Variants in SIDT2 observed in about 807,000 individuals in gnomAD.
SIDT2 encodes the protein SID1 transmembrane family member 2, also known as SID1 transmembrane family, member 2.
A neutral mutation model predicts 114.4 loss-of-function variants in SIDT2; 68 were observed. The ratio of observed to expected loss-of-function variants is 0.59; its 90% CI spans 0.49 to 0.73. The LOEUF is 0.73. SIDT2 is among the 30% of genes least tolerant of loss of function. The pLI is 0.00. For synonymous variants in SIDT2, 470 were observed against 438.4 expected, an observed-to-expected ratio of 1.07 and a Z score of -0.90; for missense variants, 918 against 1,097.1, an observed-to-expected ratio of 0.84 and a Z score of 2.31.
chr11:117,193,905 C>G lies in SIDT2; in HGVS notation c.2264C>G (p.Thr755Ser). Residue 755 changes from threonine (T) to serine (S), a missense_variant, in exon 24 of 26, where the codon ACC becomes AGC. Thr to Ser is a moderately conservative substitution (Grantham distance 58). This residue lies in a region of SIDT2 where 275 missense variants were observed against 397.6 expected (regional missense o/e 0.69). Coordinates refer to ENST00000324225, the MANE Select transcript of SIDT2 (RefSeq NM_001040455.2). ...KLIPLLCIVC[T>S]SVVWGFALFF... is the part of the protein sequence containing the mutation. ...ATCCCCCTGCTCTGCATCGTTTGCA[C>G]CTCCGTGGTCTGGGGCTTCGCGCTC... The G allele has an allele frequency of 6.2e-7, 1 of 1,614,146 alleles. No individual in the cohort carries two copies.
At position 117,181,801 on chromosome 11, in the gene SIDT2, C is replaced by T; in HGVS notation, c.306-6C>T. ...TCACATCCTATCTCCCTGCTTCGGGCCATAGGTTTCAGCGCAAGTACCTCT... is the reference window on the plus strand; with the variant it reads ...TCACATCCTATCTCCCTGCTTCGGGTCATAGGTTTCAGCGCAAGTACCTCT... On this transcript the variant is annotated splice_region_variant and splice_polypyrimidine_tract_variant and intron_variant, in intron 2 of 25. Coordinates refer to ENST00000324225, the MANE Select transcript of SIDT2 (RefSeq NM_001040455.2). 6.2e-7 allele frequency: 1 copy of T among 1,614,112 alleles called. No individual in the cohort carries two copies. Among genetic ancestry groups the T allele is most frequent in the Non-Finnish European group, 8.5e-7 (1 of 1,179,994 alleles).
Position 117,192,849 on chromosome 11 carries a change from C to T in SIDT2, c.2088C>T (p.Asn696=), listed in dbSNP as rs774494819. The T allele has an allele frequency of 2.1e-5, 34 of 1,614,018 alleles. No homozygotes were observed. The highest frequency in any genetic ancestry group is 4.0e-5 in the African/African-American group (3 of 74,918). ...GCATGGTGCTGCTGGTCATGGGCAACGTCATCAACTGGTCGCTGTGAGTAT... is the reference window on the plus strand; with the variant it reads ...GCATGGTGCTGCTGGTCATGGGCAATGTCATCAACTGGTCGCTGTGAGTAT... ...VDRMVLLVMG[N]VINWSLAAYG... is the part of the protein sequence containing the mutation. Residue 696 remains asparagine (N), a synonymous_variant, in exon 22 of 26, where the codon AAC becomes AAT. Transcript: ENST00000324225. This position sits in a 1 kb window ranked among gnomAD's most constrained non-coding sequence, Gnocchi z 5.9.
chr11:117,185,008 G>A (rs1401800073), intron 8 of SIDT2, among the ~76,000 whole-genome samples: 1 of 151,624 alleles, frequency 6.6e-6, no homozygotes, highest in Non-Finnish European at 1.5e-5. Context: ...TTACAGGCAT[G>A]AGCCACCGTG....
chr11:117,187,549 C>T (rs1017734045), intron 11 of SIDT2, 79 bp from the exon 12 acceptor site: 7 of 1,595,484 alleles, frequency 4.4e-6, no homozygotes, highest in Non-Finnish European at 4.3e-6. Context: ...TCCTCCAGCC[C>T]CCACACCCTC....
Position 117,193,246 on chromosome 11 carries a change from C to T in SIDT2, c.2199C>T (p.Tyr733=). The T allele has an allele frequency of 6.2e-7, 1 of 1,613,112 alleles. No homozygotes were observed. Among genetic ancestry groups the T allele is most frequent in the South Asian group, 1.1e-5 (1 of 90,984 alleles). ...ICNLLLYFAF[Y]IIMKLRSGER... ...ACCTGCTCCTTTACTTCGCCTTCTACATCATCATGAAGGTGAGTGGGGCTG... is the reference window on the plus strand; with the variant it reads ...ACCTGCTCCTTTACTTCGCCTTCTATATCATCATGAAGGTGAGTGGGGCTG... Residue 733 remains tyrosine, a synonymous_variant, in exon 23 of 26, where the codon TAC becomes TAT. Coordinates refer to ENST00000324225, the MANE Select transcript of SIDT2 (RefSeq NM_001040455.2).
chr11:117,186,688 G>A, intron 10 of SIDT2, 52 bp downstream of exon 10: 3 of 1,511,294 alleles, frequency 2.0e-6, no homozygotes, highest in South Asian at 2.7e-5. Context: ...TGTGTTTTGG[G>A]GGGTGGTGGT....
Position 117,184,145 on chromosome 11 carries a change from T to G in SIDT2, c.868+6T>G, listed in dbSNP as rs1359381899. 5 of 1,613,770 alleles carry G rather than the reference T, an allele frequency of 3.1e-6. No homozygotes were observed. Among genetic ancestry groups the G allele is most frequent in the Non-Finnish European group, 4.2e-6 (5 of 1,179,834 alleles). On this transcript the variant is annotated splice_donor_region_variant and intron_variant, in intron 8 of 25. Transcript: ENST00000324225. ...GGTGTCTCAAGCAGTCACGTGTGAG[T>G]GCTGCAGGTGGCTGAGAGGGGATGG...
Position 117,190,186 on chromosome 11 carries a change from G to A in SIDT2, c.1514G>A (p.Ser505Asn), listed in dbSNP as rs2030647795. 2 of 1,580,154 alleles carry A rather than the reference G, an allele frequency of 1.3e-6. No homozygotes were observed. The highest frequency in any genetic ancestry group is 8.6e-7 in the Non-Finnish European group (1 of 1,163,216). Reference protein sequence around the residue: ...GNLSAFNNILSNLGYILLGLL... With the variant: ...GNLSAFNNILNNLGYILLGLL... ...TCTAGCGCCTTCAACAACATCCTCAGCAACCTGGGGTACATCCTGCTGGGG... is the reference window on the plus strand; with the variant it reads ...TCTAGCGCCTTCAACAACATCCTCAACAACCTGGGGTACATCCTGCTGGGG... The change falls in exon 17 of 26, where the codon AGC becomes AAC. Residue 505 changes from serine (S) to asparagine (N), a missense_variant. Coordinates refer to ENST00000324225, the MANE Select transcript of SIDT2 (RefSeq NM_001040455.2). The surrounding 1 kb of genome is among the most constrained non-coding windows in gnomAD (Gnocchi z 4.1).
At chr11:117,180,116 C>T (rs1012865246) in intron 1 of SIDT2, among the ~76,000 whole-genome samples, 1 of 152,214 alleles carries the variant, frequency 6.6e-6, no homozygotes, top group Non-Finnish European at 1.5e-5. Context: ...AGACCCCAGG[C>T]AGAGCTGAGA....
chr11:117,184,175 G>A (rs764572192), intron 8 of SIDT2, 36 bp downstream of exon 8: 5 of 1,596,206 alleles, frequency 3.1e-6, no homozygotes, highest in Non-Finnish European at 3.4e-6. Flanking sequence ...GGATGGACAA[G>A]CCTCTCTGGC....
chr11:117,188,431 G>T lies in SIDT2; in HGVS notation c.1160-277G>T. 2.0e-6 allele frequency: 1 copy of T among 501,048 alleles called. No homozygotes were observed. The highest frequency in any genetic ancestry group is 3.6e-6 in the Non-Finnish European group (1 of 276,362). 31.0% of individuals were successfully genotyped at this position (501,048 alleles called of 1,614,324 possible). A position where few individuals can be genotyped will look rare whatever the true frequency, so the allele number is the denominator to read the frequency against. ...GGGGTCTGCCTTGTGTCCTGGCCTG[G>T]GAAGCCCTAGCCCATGAGGGGTGCC... On this transcript the variant is annotated intron_variant, in intron 12 of 25. Transcript: ENST00000324225. The surrounding 1 kb of genome is among the most constrained non-coding windows in gnomAD (Gnocchi z 4.0).
At chr11:117,186,470 AG>A in intron 9 of SIDT2, 113 bp from the exon 10 acceptor site, 1 of 1,100,634 alleles carries the variant, frequency 9.1e-7, no homozygotes, top group Non-Finnish European at 1.3e-6. Context: ...CAAAGGGTGG[AG>A]GACAGGGTCA....
Position 117,192,827 on chromosome 11 carries a change from T to C in SIDT2, c.2066T>C (p.Met689Thr), listed in dbSNP as rs145101833. 1 of 1,614,148 alleles carries C rather than the reference T, an allele frequency of 6.2e-7. No individual in the cohort carries two copies. The highest frequency in any genetic ancestry group is 8.5e-7 in the Non-Finnish European group (1 of 1,180,018). ...QCSGPLYVDRMVLLVMGNVIN... is the reference protein window; with the variant it reads ...QCSGPLYVDRTVLLVMGNVIN... Reference sequence around the variant, plus strand: ...GTCCCTGCTTCCCTCCAGGACCGCATGGTGCTGCTGGTCATGGGCAACGTC... The same window carrying C: ...GTCCCTGCTTCCCTCCAGGACCGCACGGTGCTGCTGGTCATGGGCAACGTC... The change falls in exon 22 of 26, where the codon ATG becomes ACG. Residue 689 changes from methionine (M) to threonine (T), a missense_variant. Transcript: ENST00000324225. The surrounding 1 kb of genome is among the most constrained non-coding windows in gnomAD (Gnocchi z 5.9).
chr11:117,178,926 G>C lies in SIDT2; in HGVS notation c.-338G>C. ...TCCCTCCCCTTTCCCGGCGTCTCCA[G>C]GCTCCCGGCAACCAGCCGCCCTCCT... is the stretch of plus-strand genomic sequence containing the variant. On this transcript the variant is annotated 5_prime_UTR_variant, in exon 1 of 26. Coordinates refer to ENST00000324225, the MANE Select transcript of SIDT2 (RefSeq NM_001040455.2). 4.2e-6 allele frequency: 1 copy of C among 240,856 alleles called. No individual in the cohort carries two copies. Among genetic ancestry groups the C allele is most frequent in the Non-Finnish European group, 8.0e-6 (1 of 124,274 alleles). The allele number at this position is 240,856 out of a possible 1,614,324, so 14.9% of individuals were successfully genotyped here.
Position 117,181,819 on chromosome 11 carries a change from G to C in SIDT2, c.318G>C (p.Lys106Asn). 6.2e-7 allele frequency: 1 copy of C among 1,614,170 alleles called. No homozygotes were observed. Among genetic ancestry groups the C allele is most frequent in the Non-Finnish European group, 8.5e-7 (1 of 1,180,030 alleles). The change falls in exon 3 of 26, where the codon AAG becomes AAC. Residue 106 changes from lysine to asparagine, a missense_variant. Coordinates refer to ENST00000324225, the MANE Select transcript of SIDT2 (RefSeq NM_001040455.2). ...PLILRGMFQR[K>N]YLYQKVERTL... ...CTTCGGGCCATAGGTTTCAGCGCAA[G>C]TACCTCTACCAAAAAGTGGAACGAA...
intron 9 of SIDT2, 37 bp from the exon 10 acceptor site, chr11:117,186,547 G>A: frequency 6.5e-7 from 1 of 1,532,976 alleles, no homozygotes; most frequent in Non-Finnish European, 8.7e-7. Flanking sequence ...TCCTTGTCCT[G>A]TCCCATCTGG....
Position 117,180,058 on chromosome 11 carries a change from A to C in SIDT2, c.183+612A>C, listed in dbSNP as rs577613810. ...CTGACTTCTCTTTGGTTTCTTCACC[A>C]GCTGTGAGTCCCTGAGTTGAAATAG... is the stretch of plus-strand genomic sequence containing the variant. On this transcript the variant is annotated intron_variant, in intron 1 of 25. Transcript: ENST00000324225. 7.2e-5 allele frequency among the ~76,000 whole-genome samples: 11 copies of C among 152,356 alleles called. No homozygotes were observed. The South Asian group carries it at 2.3e-3, about 32-fold the overall frequency.
chr11:117,188,874 C>T lies in SIDT2; in HGVS notation c.1278+48C>T. The stretch of plus-strand genomic sequence containing the variant: ...GGTCAGGCGTTTCCTGAGAAAGGGA[C>T]ATTCTGCGTTCCCGCCCCAGCATGT... On this transcript the variant is annotated intron_variant, in intron 13 of 25. Coordinates refer to ENST00000324225, the MANE Select transcript of SIDT2 (RefSeq NM_001040455.2). This position sits in a 1 kb window ranked among gnomAD's most constrained non-coding sequence, Gnocchi z 4.0. The T allele has an allele frequency of 6.5e-7, 1 of 1,532,846 alleles. No individual in the cohort carries two copies. 95.0% of individuals were successfully genotyped at this position (1,532,846 alleles called of 1,614,324 possible).
chr11:117,184,088 C>G lies in SIDT2; in HGVS notation c.817C>G (p.Gln273Glu). 1 of 1,614,130 alleles carries G rather than the reference C, an allele frequency of 6.2e-7. No individual in the cohort carries two copies. The highest frequency in any genetic ancestry group is 8.5e-7 in the Non-Finnish European group (1 of 1,180,050). Residue 273 changes from glutamine (Q) to glutamate (E), a missense_variant, in exon 8 of 26, where the codon CAA becomes GAA. By Grantham distance (29) the Gln-to-Glu change is conservative. This residue lies in a region of SIDT2 where 553 missense variants were observed against 600.1 expected (regional missense o/e 0.92). Transcript: ENST00000324225. ...YPFAEDEPVD[Q>E]GHRQKTLSVL... ...TTTACTTCCAGATGAACCGGTCGAT[C>G]AAGGGCACCGCCAGAAAACCCTGTC...
Sources: gnomAD v4.1 joint callset for allele counts (sites outside exome capture counted in the v4.1 genomes callset) on GRCh38, gnomAD v4.1.1 for gene constraint, gnomAD v4.1.1 regional missense constraint, Gnocchi (gnomAD v3.1) non-coding constraint, MANE v1.5 for transcripts, NCBI Gene and HGNC (gene_info 2026-07-23, HGNC 2026-07-21) for gene names.